The following DLG1 variants were observed in gnomAD, a reference collection of about 807,000 sequenced individuals.
DLG1 encodes discs large MAGUK scaffold protein 1, also known as disks large homolog 1.
In DLG1, 42 loss-of-function variants were observed where a neutral mutation model predicts 123.4. That is an observed-to-expected ratio of 0.34 (90% CI 0.27 to 0.44). The LOEUF is 0.44. DLG1 is among the 20% of genes least tolerant of loss of function. DLG1 has a pLI of 1.00. For missense variants in DLG1, 942 were observed against 1,082.6 expected (o/e 0.87, Z 1.82); for synonymous variants, 317 against 356.2 (o/e 0.89, Z 1.24).
intron 4 of DLG1, among the ~76,000 whole-genome samples, chr3:197,216,685 ATTTTG>A (rs1370671010): frequency 6.6e-6 from 1 of 152,198 alleles, no homozygotes; most frequent in Admixed American, 6.5e-5. Flanking sequence ...CAGAAATAGT[ATTTTG>A]TATAAACAGT....
chr3:197,208,141 T>C lies in DLG1; in HGVS notation c.319-13552A>G, dbSNP rs1484208150. On this transcript the variant is annotated intron_variant, in intron 4 of 24. Coordinates refer to ENST00000667157, the MANE Select transcript of DLG1 (RefSeq NM_001366207.1). The stretch of plus-strand genomic sequence containing the variant: ...AAAAAAAAATCAAGTAATTCTTACA[T>C]ATACAAAAATATGTTTATCTACTAC... Among the ~76,000 whole-genome samples the C allele has an allele frequency of 3.4e-5, 5 of 146,188 alleles. No individual in the cohort carries two copies. The Admixed American group carries it at 3.4e-4, about 10-fold the overall frequency.
intron 4 of DLG1, among the ~76,000 whole-genome samples, chr3:197,233,533 C>T (rs576346517): frequency 2.6e-5 from 4 of 152,228 alleles, no homozygotes; most frequent in South Asian, 4.2e-4. Context: ...ATTACAGGTG[C>T]GCACCACGAT....
chr3:197,194,920 C>A (rs957679706), intron 4 of DLG1, among the ~76,000 whole-genome samples: 3 of 152,002 alleles, frequency 2.0e-5, no homozygotes, highest in Non-Finnish European at 4.4e-5. Context: ...AAGTTAGGCA[C>A]CTTAGTCTGG....
chr3:197,165,942 T>C (rs1205764085), intron 5 of DLG1, among the ~76,000 whole-genome samples: 7 of 152,186 alleles, frequency 4.6e-5, no homozygotes, highest in Admixed American at 4.6e-4. Context: ...ACAACCTTGG[T>C]GCAGATGACC....
intron 4 of DLG1, among the ~76,000 whole-genome samples, chr3:197,261,417 G>A (rs567909863): frequency 1.1e-3 from 162 of 152,294 alleles, no homozygotes; most frequent in African/African-American, 3.1e-3. Context: ...ACTCCAGCCT[G>A]GGCAACAGGG....
chr3:197,057,324 C>T (rs1397561563), intron 23 of DLG1, among the ~76,000 whole-genome samples: 1 of 152,212 alleles, frequency 6.6e-6, no homozygotes, highest in East Asian at 1.9e-4. Context: ...TCAAGCAATC[C>T]TTCTGTCTTG....
intron 14 of DLG1, among the ~76,000 whole-genome samples, chr3:197,096,322 A>G (rs1482401149): frequency 1.3e-5 from 2 of 152,214 alleles, no homozygotes; most frequent in East Asian, 3.8e-4. Flanking sequence ...CCTAACATAT[A>G]TATTAATTTG....
rs539627765 is a variant in DLG1, at chr3:197,209,166, C to T, written c.319-14577G>A. Among the ~76,000 whole-genome samples, 15 of 145,152 alleles carry T rather than the reference C, an allele frequency of 1.0e-4. 6 individuals are homozygous for T. In the South Asian group the frequency reaches 2.9e-3, roughly 28 times the overall value. ...TTCATGCAAAGCGAGAGATATACTTCGTAAAAAAAGGCAGAGTGAAAGCAT... is the reference window on the plus strand; with the variant it reads ...TTCATGCAAAGCGAGAGATATACTTTGTAAAAAAAGGCAGAGTGAAAGCAT... On this transcript the variant is annotated intron_variant, in intron 4 of 24. Transcript: ENST00000667157.
In DLG1 at chr3:197,121,876, G is replaced by C. The variant is rs569894959; in HGVS notation, c.1166-2346C>G. 1.3e-4 allele frequency among the ~76,000 whole-genome samples: 18 copies of C among 143,438 alleles called. No homozygotes were observed. In the South Asian group the frequency reaches 4.0e-3, roughly 32 times the overall value. 94.1% of individuals were successfully genotyped at this position (143,438 alleles called of 152,430 possible). ...GTTATCTAGTCCTCTTAGGTAACAA[G>C]AGAAAGAAAATCTGAACATTCTTGT... On this transcript the variant is annotated intron_variant, in intron 11 of 24. Coordinates refer to ENST00000667157, the MANE Select transcript of DLG1 (RefSeq NM_001366207.1).
chr3:197,286,851 C>T (rs1772093765), intron 3 of DLG1, among the ~76,000 whole-genome samples: 1 of 151,790 alleles, frequency 6.6e-6, no homozygotes, highest in Admixed American at 6.6e-5. Flanking sequence ...CCTTGGCCTC[C>T]TCAAGTGCTG....
At chr3:197,173,665 G>C (rs775253794) in intron 5 of DLG1, among the ~76,000 whole-genome samples, 2 of 152,116 alleles carry the variant, frequency 1.3e-5, no homozygotes, top group Non-Finnish European at 2.9e-5. Flanking sequence ...CTTAGATCAG[G>C]GGTTAGCAAA....
At chr3:197,152,573 G>A (rs555996728) in intron 5 of DLG1, among the ~76,000 whole-genome samples, 4 of 151,350 alleles carry the variant, frequency 2.6e-5, no homozygotes, top group East Asian at 3.9e-4. Context: ...TCAGGAGATC[G>A]AGACCATCCT....
At chr3:197,163,485 G>A (rs992059374) in intron 5 of DLG1, among the ~76,000 whole-genome samples, 2 of 151,760 alleles carry the variant, frequency 1.3e-5, no homozygotes, top group African/African-American at 4.8e-5. Context: ...GGAGATGAAC[G>A]GATACACAAA....
At chr3:197,245,530 GTATAAATTCC>G (rs1475447019) in intron 4 of DLG1, among the ~76,000 whole-genome samples, 1 of 152,134 alleles carries the variant, frequency 6.6e-6, no homozygotes, top group East Asian at 1.9e-4. Context: ...TTTTGCTAGA[GTATAAATTCC>G]TATACATCCA....
At chr3:197,267,409 T>G (rs148675642) in intron 4 of DLG1, among the ~76,000 whole-genome samples, 6 of 152,318 alleles carry the variant, frequency 3.9e-5, no homozygotes, top group Admixed American at 3.9e-4. Context: ...TCTTTTTCCA[T>G]CTTGGGCCTC....
At chr3:197,167,320 A>G (rs942005101) in intron 5 of DLG1, among the ~76,000 whole-genome samples, 2 of 152,230 alleles carry the variant, frequency 1.3e-5, no homozygotes, top group Non-Finnish European at 2.9e-5. Context: ...TGAATATTAA[A>G]ACTTCCTGTT....
intron 4 of DLG1, among the ~76,000 whole-genome samples, chr3:197,197,758 G>A (rs1030748475): frequency 6.6e-6 from 1 of 152,094 alleles, no homozygotes; most frequent in Admixed American, 6.5e-5. Context: ...TTACTACAAA[G>A]CTACATTAAT....
intron 5 of DLG1, among the ~76,000 whole-genome samples, chr3:197,152,344 T>C (rs1794292774): frequency 6.6e-6 from 1 of 151,976 alleles, no homozygotes; most frequent in African/African-American, 2.4e-5. Context: ...TCTTTCCAAG[T>C]CTTTTAGTTG....
chr3:197,042,991 A>T lies in DLG1; in HGVS notation c.*1632T>A, dbSNP rs534294697. On this transcript the variant is annotated 3_prime_UTR_variant, in exon 25 of 25. Coordinates refer to ENST00000667157, the MANE Select transcript of DLG1 (RefSeq NM_001366207.1). ...TTCATAAATGGAATGGATAATGTTG[A>T]TAATTCTTTACAAACCAGTACTCAT... 1 of 152,354 alleles carries T rather than the reference A, an allele frequency of 6.6e-6. No homozygotes were observed. The highest frequency in any genetic ancestry group is 1.9e-4 in the East Asian group (1 of 5,190). 9.4% of individuals were successfully genotyped at this position (152,354 alleles called of 1,614,324 possible). A position where few individuals can be genotyped will look rare whatever the true frequency, so the allele number is the denominator to read the frequency against.
Sources: gnomAD v4.1 joint callset for allele counts (sites outside exome capture counted in the v4.1 genomes callset) on GRCh38, gnomAD v4.1.1 for gene constraint, MANE v1.5 for transcripts, NCBI Gene and HGNC (gene_info 2026-07-23, HGNC 2026-07-21) for gene names.